FLRT2: variants seen among roughly 807,000 people sequenced by gnomAD.
FLRT2 encodes leucine-rich repeat transmembrane protein FLRT2.
In FLRT2, 15 loss-of-function variants were observed where a neutral mutation model predicts 40.0. That is an observed-to-expected ratio of 0.38 (90% confidence interval 0.25 to 0.58). FLRT2 has a LOEUF of 0.58. FLRT2 is among the 20% of genes least tolerant of loss of function. The pLI is 0.71. For missense variants in FLRT2, 726 were observed against 840.0 expected (o/e 0.86, Z 1.68); for synonymous variants, 380 against 336.8 (o/e 1.13, Z -1.41).
In FLRT2 at chr14:85,625,543, T is replaced by C. The variant is rs1321722464; in HGVS notation, c.*2046T>C. On this transcript the variant is annotated 3_prime_UTR_variant, in exon 2 of 2. Coordinates refer to ENST00000330753, the MANE Select transcript of FLRT2 (RefSeq NM_013231.6). ...CAGTAGAGCTGAACTTAGCTATGAA[T>C]TAATTTAAATTAATTCTAAAGTGAC... 2 of 167,020 alleles carry C rather than the reference T, an allele frequency of 1.2e-5. No individual in the cohort carries two copies. The highest frequency in any genetic ancestry group is 4.8e-5 in the African/African-American group (2 of 41,460). 10.3% of individuals were successfully genotyped at this position (167,020 alleles called of 1,614,324 possible).
intron 1 of FLRT2, among the ~76,000 whole-genome samples, chr14:85,542,864 A>G (rs945528718): frequency 6.6e-6 from 1 of 152,178 alleles, no homozygotes; most frequent in African/African-American, 2.4e-5. Context: ...GCCAGGCACC[A>G]TGCTAAATTT....
In FLRT2 at chr14:85,654,043, C is replaced by A. The variant is rs762221596; in HGVS notation, c.*30546C>A. On this transcript the variant is annotated 3_prime_UTR_variant, in exon 2 of 2. Coordinates refer to ENST00000330753, the MANE Select transcript of FLRT2 (RefSeq NM_013231.6). ...CATGTATGGTCTTGTTTTTTGAGGT[C>A]GTCTGATGAAATCAGAATGATTTCA... The A allele has an allele frequency of 2.6e-5, 4 of 151,900 alleles. No individual in the cohort carries two copies. Among genetic ancestry groups the A allele is most frequent in the Admixed American group, 2.6e-4 (4 of 15,232 alleles). 9.4% of individuals were successfully genotyped at this position (151,900 alleles called of 1,614,324 possible). A position where few individuals can be genotyped will look rare whatever the true frequency, so the allele number is the denominator to read the frequency against.
In FLRT2 at chr14:85,651,507, T is replaced by A. The variant is rs1340885872; in HGVS notation, c.*28010T>A. ...ATGTGCCTGTGTCCATTTATTTCAA[T>A]AATATCTTATACTATGACTCTATAT... On this transcript the variant is annotated 3_prime_UTR_variant, in exon 2 of 2. Transcript: ENST00000330753. The A allele has an allele frequency of 6.6e-6, 1 of 152,146 alleles. No homozygotes were observed. Among genetic ancestry groups the A allele is most frequent in the Admixed American group, 6.5e-5 (1 of 15,272 alleles). The allele number at this position is 152,146 out of a possible 1,614,324, so 9.4% of individuals were successfully genotyped here. A position where few individuals can be genotyped will look rare whatever the true frequency, so the allele number is the denominator to read the frequency against.
Position 85,579,949 on chromosome 14 carries a change from A to T in FLRT2, c.-376-41190A>T, listed in dbSNP as rs200256680. Among the ~76,000 whole-genome samples the T allele has an allele frequency of 1.8e-3, 49 of 27,260 alleles. No individual in the cohort carries two copies. In the East Asian group the frequency reaches 0.019, roughly 11 times the overall value. The allele number at this position is 27,260 out of a possible 152,430, so 17.9% of individuals were successfully genotyped here. ...AATTTTTTTTTTTTTTTTTTTTTTT[A>T]AATAAGTGGTTATCCAAAGGGGTTG... On this transcript the variant is annotated intron_variant, in intron 1 of 1. Transcript: ENST00000330753.
Position 85,640,867 on chromosome 14 carries a change from C to T in FLRT2, c.*17370C>T, listed in dbSNP as rs1566773706. On this transcript the variant is annotated 3_prime_UTR_variant, in exon 2 of 2. Transcript: ENST00000330753. The stretch of plus-strand genomic sequence containing the variant: ...AATACAGATCCTACCTTAGGCTTTT[C>T]GGCTGCACAGCTGAATCGCCTCTGT... 1.3e-5 allele frequency: 2 copies of T among 152,188 alleles called. No individual in the cohort carries two copies. Among genetic ancestry groups the T allele is most frequent in the African/African-American group, 4.8e-5 (2 of 41,442 alleles). The allele number at this position is 152,188 out of a possible 1,614,324, so 9.4% of individuals were successfully genotyped here. A position where few individuals can be genotyped will look rare whatever the true frequency, so the allele number is the denominator to read the frequency against.
chr14:85,532,085 G>T (rs906008431), intron 1 of FLRT2, among the ~76,000 whole-genome samples: 4 of 152,256 alleles, frequency 2.6e-5, no homozygotes, highest in Non-Finnish European at 2.9e-5. Flanking sequence ...CTCAGGCTTT[G>T]AACTGAGGAC....
rs1401287141 is a variant in FLRT2, at chr14:85,630,614, G to T, written c.*7117G>T. The T allele has an allele frequency of 3.9e-5, 6 of 152,074 alleles. No homozygotes were observed. Among genetic ancestry groups the T allele is most frequent in the Non-Finnish European group, 7.4e-5 (5 of 68,020 alleles). The allele number at this position is 152,074 out of a possible 1,614,324, so 9.4% of individuals were successfully genotyped here. A position where few individuals can be genotyped will look rare whatever the true frequency, so the allele number is the denominator to read the frequency against. ...GGAAGCTGCTGGTTTTTAACCGTCAGCCTGGGCTCTTTCTGCCTCTTTGCT... is the reference window on the plus strand; with the variant it reads ...GGAAGCTGCTGGTTTTTAACCGTCATCCTGGGCTCTTTCTGCCTCTTTGCT... On this transcript the variant is annotated 3_prime_UTR_variant, in exon 2 of 2. Transcript: ENST00000330753.
chr14:85,577,556 T>C (rs904722676), intron 1 of FLRT2, among the ~76,000 whole-genome samples: 1 of 152,164 alleles, frequency 6.6e-6, no homozygotes, highest in African/African-American at 2.4e-5. Context: ...CTGAGGACTA[T>C]GCCCTACCTT....
intron 1 of FLRT2, among the ~76,000 whole-genome samples, chr14:85,541,596 A>G (rs1487862778): frequency 6.6e-6 from 1 of 152,158 alleles, no homozygotes. Context: ...GATTGAGATA[A>G]TTCTTTAAAA....
chr14:85,548,288 A>G (rs1266899431), intron 1 of FLRT2, among the ~76,000 whole-genome samples: 3 of 152,236 alleles, frequency 2.0e-5, no homozygotes, highest in Admixed American at 1.3e-4. Context: ...AATAACTCTG[A>G]TATATATGAA....
rs990239055 is a variant in FLRT2 at position 85,637,496 on chromosome 14, C to G, written c.*13999C>G. On this transcript the variant is annotated 3_prime_UTR_variant, in exon 2 of 2. Transcript: ENST00000330753. ...TTACTAGCACAGTGTCTAGTATATA[C>G]AGTTGCTTTGTTACATTAACTCCAT... The G allele has an allele frequency of 7.2e-5, 11 of 152,220 alleles. No individual in the cohort carries two copies. Among genetic ancestry groups the G allele is most frequent in the Non-Finnish European group, 1.2e-4 (8 of 68,046 alleles). 9.4% of individuals were successfully genotyped at this position (152,220 alleles called of 1,614,324 possible). A position where few individuals can be genotyped will look rare whatever the true frequency, so the allele number is the denominator to read the frequency against.
intron 1 of FLRT2, among the ~76,000 whole-genome samples, chr14:85,539,813 A>G (rs1217726018): frequency 2.0e-5 from 3 of 152,216 alleles, no homozygotes; most frequent in African/African-American, 7.2e-5. Context: ...ATATAAATAA[A>G]ATGGTAACCA....
At chr14:85,579,675 C>G (rs1377103051) in intron 1 of FLRT2, among the ~76,000 whole-genome samples, 1 of 152,136 alleles carries the variant, frequency 6.6e-6, no homozygotes, top group African/African-American at 2.4e-5. Context: ...CACTGATATT[C>G]TTAAGCACTT....
chr14:85,612,051 A>G (rs1353476016), intron 1 of FLRT2, among the ~76,000 whole-genome samples: 1 of 104,244 alleles, frequency 9.6e-6, no homozygotes, highest in Non-Finnish European at 2.0e-5. Flanking sequence ...TCAGAATGTA[A>G]CTTACTTTTC....
rs1894213690 is a variant in FLRT2 at position 85,643,383 on chromosome 14, C to CCTTTCCTTTT, written c.*19891_*19892insCTTTTCTTTC. 1 of 131,382 alleles carries CCTTTCCTTTT rather than the reference C, an allele frequency of 7.6e-6. No homozygotes were observed. Among genetic ancestry groups the CCTTTCCTTTT allele is most frequent in the East Asian group, 2.3e-4 (1 of 4,438 alleles). 8.1% of individuals were successfully genotyped at this position (131,382 alleles called of 1,614,324 possible). On this transcript the variant is annotated 3_prime_UTR_variant, in exon 2 of 2. Coordinates refer to ENST00000330753, the MANE Select transcript of FLRT2 (RefSeq NM_013231.6). ...CCTTCCTTCCTTCCTTCCTTTCTTT[C>CCTTTCCTTTT]CTTTCTCCTTTTTCTTTTTTTTGTT...
rs900397832 is a variant in FLRT2 at position 85,650,855 on chromosome 14, C to T, written c.*27358C>T. On this transcript the variant is annotated 3_prime_UTR_variant, in exon 2 of 2. Coordinates refer to ENST00000330753, the MANE Select transcript of FLRT2 (RefSeq NM_013231.6). ...ATTATTAAAATTTTCTTTTTCTTTT[C>T]TTTTTTTAAGAGACAAGGTCTTACC... 2 of 150,706 alleles carry T rather than the reference C, an allele frequency of 1.3e-5. No homozygotes were observed. The highest frequency in any genetic ancestry group is 1.9e-4 in the East Asian group (1 of 5,146). The allele number at this position is 150,706 out of a possible 1,614,324, so 9.3% of individuals were successfully genotyped here. A position where few individuals can be genotyped will look rare whatever the true frequency, so the allele number is the denominator to read the frequency against.
At chr14:85,587,738 A>G (rs1891688690) in intron 1 of FLRT2, among the ~76,000 whole-genome samples, 1 of 152,174 alleles carries the variant, frequency 6.6e-6, no homozygotes, top group Non-Finnish European at 1.5e-5. Context: ...CGTTGGAAGA[A>G]GAGCTCGTAT....
intron 1 of FLRT2, among the ~76,000 whole-genome samples, chr14:85,542,042 G>T (rs1046830767): frequency 9.9e-5 from 15 of 152,142 alleles, no homozygotes; most frequent in African/African-American, 3.6e-4. Flanking sequence ...TAGAAGATTA[G>T]CATGTAAATT....
Position 85,631,302 on chromosome 14 carries a change from A to G in FLRT2, c.*7805A>G, listed in dbSNP as rs1844579635. 1 of 151,754 alleles carries G rather than the reference A, an allele frequency of 6.6e-6. No homozygotes were observed. The highest frequency in any genetic ancestry group is 6.6e-5 in the Admixed American group (1 of 15,230). 9.4% of individuals were successfully genotyped at this position (151,754 alleles called of 1,614,324 possible). Reference sequence around the variant, plus strand: ...TCTCTTCCAAAGCCGCTGGAATCACACCTGCCAATTATCTGACCGCTTTGT... The same window carrying G: ...TCTCTTCCAAAGCCGCTGGAATCACGCCTGCCAATTATCTGACCGCTTTGT... On this transcript the variant is annotated 3_prime_UTR_variant, in exon 2 of 2. Transcript: ENST00000330753.
Sources: allele counts gnomAD v4.1 joint callset (sites outside exome capture counted in the v4.1 genomes callset), GRCh38; gene constraint gnomAD v4.1.1; transcripts MANE v1.5; gene names NCBI Gene and HGNC (gene_info 2026-07-23, HGNC 2026-07-21).